Variants in HDAC6 observed in about 807,000 individuals in gnomAD.
HDAC6 encodes the protein histone deacetylase 6.
In HDAC6, 5 loss-of-function variants were observed where a neutral mutation model predicts 88.9. The ratio of observed to expected loss-of-function variants is 0.06; its 90% confidence interval spans 0.03 to 0.12. HDAC6 has a LOEUF of 0.12. Among genes scored for constraint, HDAC6 ranks in the 10% least tolerant of loss-of-function variants. The pLI is 1.00. For missense variants in HDAC6, 706 were observed against 1,014.4 expected, an observed-to-expected ratio of 0.70 and a Z score of 4.13; for synonymous variants, 378 against 398.0, an observed-to-expected ratio of 0.95 and a Z score of 0.60.
At chrX:48,807,979 T>G (rs1472206279) in intron 8 of HDAC6, 54 bp from the exon 9 acceptor site, 4 of 817,420 alleles carry the variant, frequency 4.9e-6, no homozygotes, top group East Asian at 3.4e-5. Context: ...AGTCTGTCTC[T>G]GCAGAGGAGG....
intron 11 of HDAC6, 46 bp downstream of exon 11, chrX:48,814,612 C>G: frequency 8.3e-7 from 1 of 1,207,489 alleles, no homozygotes; most frequent in Non-Finnish European, 1.1e-6. Flanking sequence ...CCCAGCCCCG[C>G]CCTTCTGTCA....
chrX:48,823,730 G>A lies in HDAC6; in HGVS notation c.3248G>A (p.Gly1083Asp), dbSNP rs41312114. ...AACCTACTAGGAGAGGCAGCTGGAG[G>A]TCAGGACATGGCTGATTCGATGCTG... The part of the protein sequence containing the change: ...EENLLGEAAG[G>D]QDMADSMLMQ... The change falls in exon 26 of 29, where the codon GGT (glycine) becomes GAT (aspartate). Residue 1083 changes from glycine to aspartate, a missense_variant. Coordinates refer to ENST00000334136, the MANE Select transcript of HDAC6 (RefSeq NM_006044.4). 3,966 of 1,208,599 alleles carry A rather than the reference G, an allele frequency of 3.3e-3. 6 individuals carry two copies. Among genetic ancestry groups the A allele is most frequent in the Non-Finnish European group, 4.3e-3 (3,851 of 894,393 alleles).
Position 48,823,187 on chromosome X carries a change from G to C in HDAC6, c.2788G>C (p.Gly930Arg), listed in dbSNP as rs148220149. ...CCAGACCATTTCTGAGGCAGCCATTGGGGGAGCCATGCTGGGCCAGACCAC... is the reference window on the plus strand; with the variant it reads ...CCAGACCATTTCTGAGGCAGCCATTCGGGGAGCCATGCTGGGCCAGACCAC... ...LAQTISEAAI[G>R]GAMLGQTTSE... The change falls in exon 25 of 29, where the codon GGG (glycine) becomes CGG (arginine). Residue 930 changes from glycine to arginine, a missense_variant. Gly to Arg is a moderately radical substitution (Grantham distance 125, BLOSUM62 -2). This residue lies in a region of HDAC6 where 89 missense variants were observed against 90.9 expected (regional missense o/e 0.98). Transcript: ENST00000334136. 647 of 1,205,258 alleles carry C rather than the reference G, an allele frequency of 5.4e-4. No individual in the cohort carries two copies. Among genetic ancestry groups the C allele is most frequent in the African/African-American group, 2.8e-3 (161 of 57,061 alleles).
In HDAC6 at chrX:48,818,334, G is replaced by T; in HGVS notation, c.2109G>T (p.Val703=). The T allele has an allele frequency of 8.3e-7, 1 of 1,205,069 alleles. No homozygotes were observed. The change falls in exon 22 of 29, where the codon GTG becomes GTT. Residue 703 remains valine (V), a synonymous_variant. Transcript: ENST00000334136. ...RAAGTGFTVN[V]AWNGPRMGDA... ...CGGGCACAGGCTTCACCGTCAACGT[G>T]GCATGGAACGGGCCCCGCATGGGTG...
intron 5 of HDAC6, 26 bp downstream of exon 5, chrX:48,805,548 G>C: frequency 8.4e-7 from 1 of 1,193,703 alleles, no homozygotes; most frequent in Non-Finnish European, 1.1e-6. Context: ...CAACACTCTG[G>C]GTGAAGGGCA....
intron 1 of HDAC6, chrX:48,802,429 A>G: frequency 2.1e-6 from 2 of 974,476 alleles, no homozygotes; most frequent in Non-Finnish European, 2.7e-6. Context: ...GACCAGGGAA[A>G]GAGAATCGTG....
Position 48,818,299 on chromosome X carries a change from G to A in HDAC6, c.2074G>A (p.Gly692Ser). 8.3e-7 allele frequency: 1 copy of A among 1,204,330 alleles called. No individual in the cohort carries two copies. Among genetic ancestry groups the A allele is most frequent in the Non-Finnish European group, 1.1e-6 (1 of 891,653 alleles). Residue 692 changes from glycine to serine, a missense_variant, in exon 22 of 29, where the codon GGC (glycine) becomes AGC (serine). By Grantham distance (56) the Gly-to-Ser change is moderately conservative. Coordinates refer to ENST00000334136, the MANE Select transcript of HDAC6 (RefSeq NM_006044.4). ...GGATGAGGGTGCCAGCAGCCAGATCGGCCGGGCTGCGGGCACAGGCTTCAC... is the reference window on the plus strand; with the variant it reads ...GGATGAGGGTGCCAGCAGCCAGATCAGCCGGGCTGCGGGCACAGGCTTCAC... ...MGDEGASSQI[G>S]RAAGTGFTVN... is the part of the protein sequence containing the mutation.
At position 48,815,387 on chromosome X, in the gene HDAC6, G is replaced by A. The variant is rs2062967555; in HGVS notation, c.1153G>A (p.Gly385Ser). The change falls in exon 15 of 29, where the codon GGC (glycine) becomes AGC (serine). Residue 385 changes from glycine (G) to serine (S), a missense_variant. Gly to Ser is a moderately conservative substitution (Grantham distance 56). Around this residue, in one of 9 missense-constraint regions of HDAC6, gnomAD observed 106 missense variants for 135.1 expected, o/e 0.78. Transcript: ENST00000334136. ...CCTTCACAACTCCTTGCCCCAGGGTGGCTACAACCTCCGCGCCCTGGCTGA... is the reference window on the plus strand; with the variant it reads ...CCTTCACAACTCCTTGCCCCAGGGTAGCTACAACCTCCGCGCCCTGGCTGA... ...GGKLILSLEG[G>S]YNLRALAEGV... 8.4e-7 allele frequency: 1 copy of A among 1,191,724 alleles called. No homozygotes were observed. The highest frequency in any genetic ancestry group is 1.1e-6 in the Non-Finnish European group (1 of 883,874).
In HDAC6 at chrX:48,820,002, TG is replaced by T. The variant is rs1387226664; in HGVS notation, c.2188-103del. 3.8e-6 allele frequency: 3 copies of T among 799,505 alleles called. No homozygotes were observed. The Admixed American group carries it at 6.7e-5, about 18-fold the overall frequency. 65.9% of individuals were successfully genotyped at this position (799,505 alleles called of 1,213,427 possible). ...TCCATCTCTCTGACTTGCATCTCCATGTCTTCATTTGTCCTTTTCTCCATGT... is the reference window on the plus strand; with the variant it reads ...TCCATCTCTCTGACTTGCATCTCCATTCTTCATTTGTCCTTTTCTCCATGT... On this transcript the variant is annotated intron_variant, in intron 22 of 28. Transcript: ENST00000334136.
intron 4 of HDAC6, 125 bp from the exon 5 acceptor site, chrX:48,805,313 G>A (rs2062797312): frequency 4.0e-6 from 2 of 498,286 alleles, no homozygotes; most frequent in East Asian, 3.7e-5. Flanking sequence ...CTGATGGGAG[G>A]CAGGACTGAC....
upstream of HDAC6, chrX:48,801,767 G>T: frequency 1.2e-6 from 1 of 811,908 alleles, no homozygotes; most frequent in Non-Finnish European, 1.6e-6. Flanking sequence ...GCTCGCGCGA[G>T]GGGCGCGGCC....
rs782023778 is a variant in HDAC6 at position 48,823,554 on chromosome X, G to A, written c.3155G>A (p.Ser1052Asn). Residue 1052 changes from serine (S) to asparagine (N), a missense_variant, in exon 25 of 29, where the codon AGT (serine) becomes AAT (asparagine). Coordinates refer to ENST00000334136, the MANE Select transcript of HDAC6 (RefSeq NM_006044.4). Reference sequence around the variant, plus strand: ...ATATCTCCCAGTACACTGATTGGGAGTCTCAGGACCTTGGAGCTAGGCAGC... The same window carrying A: ...ATATCTCCCAGTACACTGATTGGGAATCTCAGGACCTTGGAGCTAGGCAGC... Reference protein sequence around the residue: ...PQISPSTLIGSLRTLELGSES... With the variant: ...PQISPSTLIGNLRTLELGSES... 9.5e-5 allele frequency: 115 copies of A among 1,207,764 alleles called. 1 individual carries two copies. In the Admixed American group the frequency reaches 1.2e-3, roughly 12 times the overall value.
chrX:48,809,576 G>A (rs138420803), intron 10 of HDAC6, among the ~76,000 whole-genome samples: 51 of 110,459 alleles, frequency 4.6e-4, no homozygotes, highest in African/African-American at 1.7e-3. Flanking sequence ...AGGCCGAGGC[G>A]GATCACCTGA....
intron 23 of HDAC6, among the ~76,000 whole-genome samples, chrX:48,821,696 G>A (rs1220350931): frequency 1.9e-5 from 2 of 103,782 alleles, no homozygotes; most frequent in African/African-American, 3.5e-5. Context: ...TAGTAGAGAC[G>A]GGGGTTTCAC....
At chrX:48,820,859 CAA>C (rs1189326670) in intron 23 of HDAC6, among the ~76,000 whole-genome samples, 4 of 111,322 alleles carry the variant, frequency 3.6e-5, no homozygotes, top group Middle Eastern at 4.6e-3. Context: ...GTTTGTGAGA[CAA>C]GAGTCTCGCT....
Position 48,818,037 on chromosome X carries a change from C to T in HDAC6, c.1926-4C>T, listed in dbSNP as rs887526874. The stretch of plus-strand genomic sequence containing the variant: ...CGGTTACTGAGGTGCTGTCTCCTCC[C>T]CAGGATCCTGATTGTGGATTGGGAT... On this transcript the variant is annotated splice_polypyrimidine_tract_variant and splice_region_variant and intron_variant, in intron 20 of 28. Coordinates refer to ENST00000334136, the MANE Select transcript of HDAC6 (RefSeq NM_006044.4). The T allele has an allele frequency of 7.6e-6, 9 of 1,190,896 alleles. No homozygotes were observed. The Admixed American group carries it at 1.2e-4, about 15-fold the overall frequency.
chrX:48,805,799 T>G (rs2062808120), intron 6 of HDAC6, 128 bp downstream of exon 6: 1 of 528,363 alleles, frequency 1.9e-6, no homozygotes, highest in Admixed American at 3.4e-5. Context: ...TGAGCCTTTC[T>G]GAATCTGTGT....
chrX:48,819,572 C>T (rs1602271094), intron 22 of HDAC6: 1 of 116,147 alleles, frequency 8.6e-6, no homozygotes, highest in Non-Finnish European at 1.6e-5. Flanking sequence ...GAAATGGAGT[C>T]TTGCTCTGTC....
In HDAC6 at chrX:48,815,425, T is replaced by C. The variant is rs1035068346; in HGVS notation, c.1191T>C (p.Ala397=). The C allele has an allele frequency of 8.3e-7, 1 of 1,206,079 alleles. No individual in the cohort carries two copies. The highest frequency in any genetic ancestry group is 1.1e-6 in the Non-Finnish European group (1 of 893,150). ...GCGCCCTGGCTGAAGGCGTCAGTGC[T>C]TCGCTCCACACCCTTCTGGGAGACC... is the stretch of plus-strand genomic sequence containing the variant. The part of the protein sequence containing the change: ...NLRALAEGVS[A]SLHTLLGDPC... The change falls in exon 15 of 29, where the codon GCT becomes GCC. Residue 397 remains alanine (A), a synonymous_variant. Coordinates refer to ENST00000334136, the MANE Select transcript of HDAC6 (RefSeq NM_006044.4).
Sources: allele counts gnomAD v4.1 joint callset (sites outside exome capture counted in the v4.1 genomes callset), GRCh38; gene constraint gnomAD v4.1.1; regional missense constraint gnomAD v4.1.1; transcripts MANE v1.5; gene names NCBI Gene and HGNC (gene_info 2026-07-23, HGNC 2026-07-21).